Variants in LRMDA observed in about 807,000 individuals in gnomAD.
LRMDA encodes the protein leucine rich melanocyte differentiation associated, also known as leucine-rich melanocyte differentiation-associated protein.
LRMDA carries 18 observed loss-of-function variants against 29.8 expected under a neutral mutation model. The ratio of observed to expected loss-of-function variants is 0.60; its 90% confidence interval spans 0.42 to 0.90. LRMDA has a LOEUF of 0.90. Ranked by LOEUF, LRMDA falls within the 40% of genes least tolerant of loss-of-function variation. The probability of loss-of-function intolerance (pLI) is 0.00; values close to 1 mark genes in which losing one functional copy is unlikely to be tolerated. For synonymous variants in LRMDA, 125 were observed against 109.4 expected (o/e 1.14, Z -0.89); for missense variants, 273 against 273.9 (o/e 1.00, Z 0.02).
chr10:76,181,866 C>G (rs1277009751), intron 5 of LRMDA, among the ~76,000 whole-genome samples: 1 of 152,158 alleles, frequency 6.6e-6, no homozygotes, highest in Non-Finnish European at 1.5e-5. Context: ...TAATTTAGCT[C>G]CTGCTTGAGA....
At chr10:76,122,524 T>C (rs979322411) in intron 5 of LRMDA, among the ~76,000 whole-genome samples, 2 of 152,088 alleles carry the variant, frequency 1.3e-5, no homozygotes, top group Non-Finnish European at 2.9e-5. Context: ...GAGATGATAA[T>C]TGTCTCTAGT....
At chr10:76,220,030 C>A (rs1486198143) in intron 5 of LRMDA, among the ~76,000 whole-genome samples, 1 of 152,096 alleles carries the variant, frequency 6.6e-6, no homozygotes, top group African/African-American at 2.4e-5. Context: ...GGGTACTTAA[C>A]GAAATGAAGG....
At chr10:76,415,050 C>T (rs914989448) in intron 6 of LRMDA, among the ~76,000 whole-genome samples, 1 of 152,230 alleles carries the variant, frequency 6.6e-6, no homozygotes, top group African/African-American at 2.4e-5. Context: ...ACATCCAGGC[C>T]CTTCCCTCTT....
intron 2 of LRMDA, among the ~76,000 whole-genome samples, chr10:76,020,819 T>C (rs567788898): frequency 6.6e-6 from 1 of 152,368 alleles, no homozygotes; most frequent in African/African-American, 2.4e-5. Flanking sequence ...CTAAATATGC[T>C]TACTTAGCAA....
At chr10:76,515,446 T>C (rs1441499118) in intron 6 of LRMDA, among the ~76,000 whole-genome samples, 1 of 152,178 alleles carries the variant, frequency 6.6e-6, no homozygotes, top group African/African-American at 2.4e-5. Context: ...ATTTAAGCCA[T>C]TAAAAAATAA....
At chr10:75,710,423 C>T (rs901525180) in intron 2 of LRMDA, among the ~76,000 whole-genome samples, 1 of 152,222 alleles carries the variant, frequency 6.6e-6, no homozygotes, top group Non-Finnish European at 1.5e-5. Flanking sequence ...CGTGATGCTT[C>T]AGATGAGAGC....
chr10:76,234,471 T>C (rs1241034204), intron 5 of LRMDA, among the ~76,000 whole-genome samples: 1 of 152,204 alleles, frequency 6.6e-6, no homozygotes, highest in Non-Finnish European at 1.5e-5. Context: ...ATACATTAGC[T>C]CTTATCAAGA....
chr10:76,375,046 C>T (rs758838746), intron 6 of LRMDA, among the ~76,000 whole-genome samples: 2 of 152,106 alleles, frequency 1.3e-5, no homozygotes, highest in African/African-American at 2.4e-5. Flanking sequence ...AAACTTCATT[C>T]AGTGTGTAAA....
At chr10:76,111,306 T>C (rs1849575361) in intron 5 of LRMDA, among the ~76,000 whole-genome samples, 1 of 152,276 alleles carries the variant, frequency 6.6e-6, no homozygotes, top group Non-Finnish European at 1.5e-5. Flanking sequence ...GACCGTATCT[T>C]TTTTGCTCAT....
At chr10:75,763,502 C>A (rs1304470881) in intron 2 of LRMDA, among the ~76,000 whole-genome samples, 1 of 152,150 alleles carries the variant, frequency 6.6e-6, no homozygotes, top group African/African-American at 2.4e-5. Flanking sequence ...TCTCTCATCA[C>A]AAGCCTTCAA....
intron 6 of LRMDA, among the ~76,000 whole-genome samples, chr10:76,389,098 C>A (rs538330240): frequency 2.0e-5 from 3 of 152,250 alleles, no homozygotes; most frequent in African/African-American, 7.2e-5. Context: ...GATTAACAGA[C>A]CCTAGTTTGA....
chr10:76,055,514 A>C (rs1271901945), intron 4 of LRMDA, among the ~76,000 whole-genome samples: 2 of 152,046 alleles, frequency 1.3e-5, no homozygotes, highest in Admixed American at 6.5e-5. Context: ...CCTTTGCCTG[A>C]GTTTTGCTTG....
chr10:76,280,991 C>CAGTT (rs1840196379), intron 5 of LRMDA, among the ~76,000 whole-genome samples: 5 of 152,146 alleles, frequency 3.3e-5, no homozygotes, highest in Admixed American at 2.0e-4. Context: ...AAAGCTTTAG[C>CAGTT]AGTTATTTAG....
At chr10:75,973,638 T>C (rs1847019768) in intron 2 of LRMDA, among the ~76,000 whole-genome samples, 1 of 152,176 alleles carries the variant, frequency 6.6e-6, no homozygotes, top group Non-Finnish European at 1.5e-5. Flanking sequence ...CAGGCTGGTC[T>C]CGAATTCCTG....
chr10:75,972,980 A>C (rs1274859358), intron 2 of LRMDA, among the ~76,000 whole-genome samples: 1 of 151,650 alleles, frequency 6.6e-6, no homozygotes, highest in Non-Finnish European at 1.5e-5. Context: ...AATTAAGACT[A>C]TATTGGGAGT....
chr10:76,463,218 C>A (rs189268533), intron 6 of LRMDA, among the ~76,000 whole-genome samples: 88 of 152,270 alleles, frequency 5.8e-4, no homozygotes, highest in African/African-American at 1.9e-3. Flanking sequence ...AAACCTTAAA[C>A]CACAACTTCA....
chr10:76,227,497 T>C (rs1554856804), intron 5 of LRMDA, among the ~76,000 whole-genome samples: 1 of 152,224 alleles, frequency 6.6e-6, no homozygotes, highest in Non-Finnish European at 1.5e-5. Flanking sequence ...TGCAAGTCTT[T>C]GACAGACAGA....
At chr10:75,743,434 G>A (rs1842854041) in intron 2 of LRMDA, 1 of 152,220 alleles carries the variant, frequency 6.6e-6, no homozygotes, top group Non-Finnish European at 1.5e-5. Context: ...GTTTCGTCTG[G>A]TAACTCCTAA....
intron 6 of LRMDA, among the ~76,000 whole-genome samples, chr10:76,328,669 C>T (rs527484433): frequency 6.6e-6 from 1 of 152,288 alleles, no homozygotes; most frequent in Non-Finnish European, 1.5e-5. Context: ...CACTGCCATG[C>T]GTTTCCAAAG....
Sources: allele counts gnomAD v4.1 joint callset (sites outside exome capture counted in the v4.1 genomes callset), GRCh38; gene constraint gnomAD v4.1.1; transcripts MANE v1.5; gene names NCBI Gene and HGNC (gene_info 2026-07-23, HGNC 2026-07-21).